WNK3: variants seen among roughly 807,000 people sequenced by gnomAD.
WNK3 encodes the protein serine/threonine-protein kinase WNK3.
In WNK3, 18 loss-of-function variants were observed where a neutral mutation model predicts 116.7. The observed-to-expected ratio is 0.15, with a 90% CI of 0.11 to 0.23. WNK3 has a LOEUF of 0.23. WNK3 is among the 10% of genes least tolerant of loss of function. The probability of loss-of-function intolerance (pLI) is 1.00; values close to 1 mark genes in which losing one functional copy is unlikely to be tolerated. For missense variants in WNK3, 993 were observed against 1,323.8 expected (o/e 0.75, Z 3.88); for synonymous variants, 404 against 469.4 (o/e 0.86, Z 1.80).
intron 2 of WNK3, among the ~76,000 whole-genome samples, chrX:54,314,922 T>C (rs1287737094): frequency 9.0e-6 from 1 of 111,202 alleles, no homozygotes; most frequent in Non-Finnish European, 1.9e-5. Context: ...CTAGCCCCCA[T>C]TCACCAAAAA....
chrX:54,217,226 G>A (rs899262816), intron 22 of WNK3, among the ~76,000 whole-genome samples: 4 of 107,145 alleles, frequency 3.7e-5, no homozygotes, highest in African/African-American at 6.8e-5. Flanking sequence ...GCTGAGGCAG[G>A]AGAATGGCAT....
chrX:54,233,060 G>T, intron 20 of WNK3, 40 bp from the exon 21 acceptor site: 2 of 1,067,129 alleles, frequency 1.9e-6, no homozygotes, highest in Non-Finnish European at 2.6e-6. Flanking sequence ...AATGGCACTG[G>T]CTCCATAAAG....
intron 22 of WNK3, among the ~76,000 whole-genome samples, chrX:54,213,028 G>C (rs782319574): frequency 2.0e-4 from 22 of 110,679 alleles, no homozygotes; most frequent in Admixed American, 1.6e-3. Flanking sequence ...AGGATGGAGT[G>C]CAGTGGTGCA....
intron 5 of WNK3, 127 bp from the exon 6 acceptor site, chrX:54,301,986 A>G (rs1049194836): frequency 6.0e-6 from 3 of 498,545 alleles, no homozygotes; most frequent in Non-Finnish European, 1.0e-5. Context: ...TTAAATATAC[A>G]TGTGTATATA....
At chrX:54,250,369 T>TAATTC (rs782549806) in intron 15 of WNK3, among the ~76,000 whole-genome samples, 8 of 111,525 alleles carry the variant, frequency 7.2e-5, no homozygotes, top group Non-Finnish European at 1.3e-4. Context: ...ATTGCTTGAA[T>TAATTC]AGCAATTAGA....
chrX:54,331,737 C>G (rs1557174288), intron 2 of WNK3, among the ~76,000 whole-genome samples: 1 of 111,324 alleles, frequency 9.0e-6, no homozygotes, highest in Non-Finnish European at 1.9e-5. Flanking sequence ...TTTATTGAAT[C>G]AGAATTTGTA....
At chrX:54,292,730 G>C (rs1180633433) in intron 10 of WNK3, among the ~76,000 whole-genome samples, 158 bp downstream of exon 10, 1 of 105,461 alleles carries the variant, frequency 9.5e-6, no homozygotes, top group African/African-American at 3.5e-5. Flanking sequence ...AAAAAAAAAG[G>C]AATGTCTTGG....
chrX:54,215,589 G>A (rs1557144980), intron 22 of WNK3, among the ~76,000 whole-genome samples: 1 of 112,280 alleles, frequency 8.9e-6, no homozygotes, highest in East Asian at 2.8e-4. Context: ...TGCCGAGATT[G>A]CAGCCTCTGC....
chrX:54,270,346 C>T (rs1196277100), intron 10 of WNK3, among the ~76,000 whole-genome samples: 2 of 109,178 alleles, frequency 1.8e-5, no homozygotes, highest in African/African-American at 6.7e-5. Flanking sequence ...CTCAGGCCCA[C>T]CTCGGCCTCC....
intron 17 of WNK3, among the ~76,000 whole-genome samples, chrX:54,240,583 C>A (rs1015495468): frequency 1.4e-4 from 16 of 111,767 alleles, no homozygotes; most frequent in African/African-American, 4.6e-4. Flanking sequence ...ACAGACACAA[C>A]AGGAAAATAT....
chrX:54,239,959 A>G (rs1457616523), intron 17 of WNK3, among the ~76,000 whole-genome samples: 2 of 112,580 alleles, frequency 1.8e-5, no homozygotes, highest in Non-Finnish European at 3.7e-5. Flanking sequence ...TTTGCCTGAA[A>G]GAAGATAGCC....
intron 10 of WNK3, among the ~76,000 whole-genome samples, chrX:54,279,624 G>C (rs2068492101): frequency 9.0e-6 from 1 of 111,676 alleles, no homozygotes. Context: ...ATAGTTGCAT[G>C]GTCCTTACAT....
chrX:54,354,456 C>A (rs2069564960), intron 1 of WNK3, among the ~76,000 whole-genome samples: 1 of 110,757 alleles, frequency 9.0e-6, no homozygotes, highest in Non-Finnish European at 1.9e-5. Context: ...TTTCCTTATA[C>A]ACAATTCCTT....
exon 18 of WNK3, chrX:54,238,940 G>A (rs1425327305): frequency 2.7e-5 from 32 of 1,204,602 alleles, no homozygotes; most frequent in Non-Finnish European, 3.4e-5. Flanking sequence ...TTTAATTTGC[G>A]AGTCCAGGAT....
At chrX:54,319,583 T>C (rs904517756) in intron 2 of WNK3, among the ~76,000 whole-genome samples, 2 of 112,304 alleles carry the variant, frequency 1.8e-5, no homozygotes, top group Non-Finnish European at 3.7e-5. Context: ...TAGTCAGCAT[T>C]AGGAATAAAC....
chrX:54,275,455 G>A (rs2068435669), intron 10 of WNK3, among the ~76,000 whole-genome samples: 1 of 104,663 alleles, frequency 9.6e-6, no homozygotes, highest in African/African-American at 3.5e-5. Context: ...GTGTGTGTGT[G>A]TGTGTGTGTG....
chrX:54,198,621 T>C (rs781840690), exon 24 of WNK3: 3 of 1,207,301 alleles, frequency 2.5e-6, no homozygotes, highest in South Asian at 3.6e-5. Flanking sequence ...AAGAAATCCA[T>C]GTTGATGTGT....
At chrX:54,238,821 GAA>G (rs782031292) in intron 18 of WNK3, 45 bp downstream of exon 18, 61 of 971,204 alleles carry the variant, frequency 6.3e-5, no homozygotes, top group Non-Finnish European at 7.9e-5. Flanking sequence ...ATAAGTAAAT[GAA>G]AAGTGATGTT....
At chrX:54,283,825 T>C (rs1174468482) in intron 10 of WNK3, among the ~76,000 whole-genome samples, 2 of 93,989 alleles carry the variant, frequency 2.1e-5, no homozygotes, top group African/African-American at 7.9e-5. Flanking sequence ...GAGAAAGGGA[T>C]GTCTTTTCAA....
Sources: gnomAD v4.1 joint callset for allele counts (sites outside exome capture counted in the v4.1 genomes callset) on GRCh38, gnomAD v4.1.1 for gene constraint, MANE v1.5 for transcripts, NCBI Gene and HGNC (gene_info 2026-07-23, HGNC 2026-07-21) for gene names.